The following PCMTD1 variants were observed in gnomAD, a reference collection of about 807,000 sequenced individuals.
PCMTD1 encodes protein-L-isoaspartate (D-aspartate) O-methyltransferase domain containing 1.
PCMTD1 carries 12 observed loss-of-function variants against 37.6 expected under a neutral mutation model. The ratio of observed to expected loss-of-function variants is 0.32; its 90% CI spans 0.20 to 0.52. The LOEUF is 0.52. PCMTD1 is among the 20% of genes least tolerant of loss of function. PCMTD1 has a pLI of 0.97. For synonymous variants in PCMTD1, 117 were observed against 135.8 expected (o/e 0.86, Z 0.96); for missense variants, 235 against 421.3 (o/e 0.56, Z 3.87).
chr8:51,849,010 G>A (rs1173890277), intron 2 of PCMTD1: 4 of 139,950 alleles, frequency 2.9e-5, no homozygotes, highest in Non-Finnish European at 5.9e-5. Flanking sequence ...AATGCATTAA[G>A]TGTATAAAAA....
intron 3 of PCMTD1, among the ~76,000 whole-genome samples, chr8:51,837,806 G>T (rs959988294): frequency 1.3e-5 from 2 of 152,110 alleles, no homozygotes; most frequent in Non-Finnish European, 2.9e-5. Context: ...TTGAGAAGGG[G>T]TCTTGCTTTG....
chr8:51,831,620 G>T, intron 4 of PCMTD1, 53 bp from the exon 5 acceptor site: 6 of 1,555,770 alleles, frequency 3.9e-6, no homozygotes, highest in Non-Finnish European at 5.2e-6. Flanking sequence ...CAACAATGTG[G>T]TCACCTTACA....
intron 5 of PCMTD1, among the ~76,000 whole-genome samples, chr8:51,824,027 G>A (rs1473675058): frequency 6.6e-6 from 1 of 152,092 alleles, no homozygotes; most frequent in African/African-American, 2.4e-5. Flanking sequence ...CAATAAACTA[G>A]GTATCGATGG....
chr8:51,827,654 TACAC>T (rs2037940295), intron 5 of PCMTD1, among the ~76,000 whole-genome samples: 1 of 152,150 alleles, frequency 6.6e-6, no homozygotes, highest in African/African-American at 2.4e-5. Context: ...GATGACTGTA[TACAC>T]AGAAAAGAGT....
At chr8:51,843,262 C>T (rs1368925285) in intron 3 of PCMTD1, among the ~76,000 whole-genome samples, 1 of 151,760 alleles carries the variant, frequency 6.6e-6, no homozygotes. Flanking sequence ...ACCTACTACT[C>T]CTTGTATATA....
At chr8:51,842,188 T>A (rs540546084) in intron 3 of PCMTD1, among the ~76,000 whole-genome samples, 1 of 152,288 alleles carries the variant, frequency 6.6e-6, no homozygotes, top group Non-Finnish European at 1.5e-5. Flanking sequence ...ACAGTAAATC[T>A]AGTGCTATGT....
intron 1 of PCMTD1, among the ~76,000 whole-genome samples, chr8:51,890,782 C>T (rs1268272607): frequency 6.6e-6 from 1 of 152,196 alleles, no homozygotes; most frequent in Admixed American, 6.5e-5. Context: ...AAGTCAAGGC[C>T]TTAACACAAC....
At chr8:51,894,425 G>C (rs895072113) in intron 1 of PCMTD1, among the ~76,000 whole-genome samples, 1 of 152,202 alleles carries the variant, frequency 6.6e-6, no homozygotes, top group African/African-American at 2.4e-5. Flanking sequence ...CAGTGGTCAA[G>C]AACACAGACT....
At chr8:51,898,745 T>G (rs1239940681) in intron 1 of PCMTD1, among the ~76,000 whole-genome samples, 185 bp downstream of exon 1, 1 of 49,578 alleles carries the variant, frequency 2.0e-5, no homozygotes, top group East Asian at 5.2e-4. Context: ...TCCCCCAACC[T>G]GCCCCGCAGC....
At chr8:51,861,296 A>G in intron 1 of PCMTD1, 50 bp from the exon 2 acceptor site, 1 of 1,257,274 alleles carries the variant, frequency 8.0e-7, no homozygotes, top group Non-Finnish European at 1.1e-6. Flanking sequence ...GCTCAAAAGC[A>G]AAATAACTTG....
At chr8:51,849,251 G>C (rs550855539) in intron 2 of PCMTD1, 208 of 151,788 alleles carry the variant, frequency 1.4e-3, no homozygotes, top group African/African-American at 4.8e-3. Flanking sequence ...GCTACTGAAA[G>C]ATTAAAAAAA....
intron 2 of PCMTD1, among the ~76,000 whole-genome samples, chr8:51,852,422 T>C (rs1563346965): frequency 6.6e-6 from 1 of 152,234 alleles, no homozygotes; most frequent in Non-Finnish European, 1.5e-5. Context: ...GAATGATGCA[T>C]ACCACAGAAG....
At chr8:51,841,562 CAT>C (rs1288663573) in intron 3 of PCMTD1, among the ~76,000 whole-genome samples, 1 of 152,164 alleles carries the variant, frequency 6.6e-6, no homozygotes, top group Non-Finnish European at 1.5e-5. Context: ...ATATGCATTA[CAT>C]ATGTGTGGCT....
At chr8:51,852,571 A>G (rs1277400559) in intron 2 of PCMTD1, among the ~76,000 whole-genome samples, 1 of 152,196 alleles carries the variant, frequency 6.6e-6, no homozygotes, top group Non-Finnish European at 1.5e-5. Flanking sequence ...TATCATCCCT[A>G]TAAAGCGGTA....
At chr8:51,883,489 A>G (rs2038821488) in intron 1 of PCMTD1, among the ~76,000 whole-genome samples, 1 of 152,234 alleles carries the variant, frequency 6.6e-6, no homozygotes, top group Admixed American at 6.5e-5. Context: ...GAAATTCAAC[A>G]GATTTTCTTC....
At chr8:51,897,562 G>C (rs2039023920) in intron 1 of PCMTD1, among the ~76,000 whole-genome samples, 1 of 152,136 alleles carries the variant, frequency 6.6e-6, no homozygotes, top group African/African-American at 2.4e-5. Flanking sequence ...GCAACTTTAT[G>C]TTTTATGGAG....
chr8:51,833,752 A>G, intron 3 of PCMTD1, 63 bp from the exon 4 acceptor site: 1 of 1,383,240 alleles, frequency 7.2e-7, no homozygotes, highest in South Asian at 1.3e-5. Flanking sequence ...AAAATTTACC[A>G]TAATCCAGTC....
In PCMTD1 at chr8:51,861,192, A is replaced by G; in HGVS notation, c.-41T>C. The G allele has an allele frequency of 6.5e-7, 1 of 1,529,702 alleles. No homozygotes were observed. Among genetic ancestry groups the G allele is most frequent in the Non-Finnish European group, 8.8e-7 (1 of 1,137,160 alleles). 94.8% of individuals were successfully genotyped at this position (1,529,702 alleles called of 1,614,324 possible). A position where few individuals can be genotyped will look rare whatever the true frequency, so the allele number is the denominator to read the frequency against. On this transcript the variant is annotated 5_prime_UTR_variant, in exon 2 of 6. Transcript: ENST00000522514. Reference sequence around the variant, plus strand: ...AAATCATAAATTTAAAAGTGAAATAAAATTAGTAGAAATGGCTTCCAATAT... The same window carrying G: ...AAATCATAAATTTAAAAGTGAAATAGAATTAGTAGAAATGGCTTCCAATAT...
chr8:51,871,442 A>T (rs1244169976), intron 1 of PCMTD1, among the ~76,000 whole-genome samples: 1 of 152,242 alleles, frequency 6.6e-6, no homozygotes, highest in Non-Finnish European at 1.5e-5. Context: ...CTCAGAAGGA[A>T]GGATGAGCTT....
Sources: gnomAD v4.1 joint callset for allele counts (sites outside exome capture counted in the v4.1 genomes callset) on GRCh38, gnomAD v4.1.1 for gene constraint, MANE v1.5 for transcripts, NCBI Gene and HGNC (gene_info 2026-07-23, HGNC 2026-07-21) for gene names.